Variants in EYA1 observed in about 807,000 individuals in gnomAD.
EYA1 encodes the protein EYA transcriptional coactivator and phosphatase 1.
EYA1 carries 16 observed loss-of-function variants against 82.0 expected under a neutral mutation model. That is an observed-to-expected ratio of 0.20 (90% CI 0.13 to 0.30). EYA1 has a LOEUF of 0.30. Ranked by LOEUF, EYA1 falls within the 10% of genes least tolerant of loss-of-function variation. The pLI, the probability that EYA1 is intolerant of heterozygous loss-of-function variation, is 1.00. For synonymous variants in EYA1, 261 were observed against 264.4 expected (o/e 0.99, Z 0.12); for missense variants, 633 against 730.7 (o/e 0.87, Z 1.54).
At chr8:71,426,607 T>C (rs756150665) in intron 2 of EYA1, among the ~76,000 whole-genome samples, 42 of 152,264 alleles carry the variant, frequency 2.8e-4, no homozygotes, top group Admixed American at 5.2e-4. Context: ...GCTGATGTCT[T>C]CATGGGGTTT....
chr8:71,472,811 A>ATATATATATATATATATATATC (rs988307541), intron 2 of EYA1, among the ~76,000 whole-genome samples: 2 of 147,852 alleles, frequency 1.4e-5, no homozygotes, highest in East Asian at 4.0e-4. Context: ...ATATATATAT[A>ATATATATATATATATATATATC]TATCTGTCAG....
At chr8:71,219,156 C>A (rs1482040374) in intron 12 of EYA1, among the ~76,000 whole-genome samples, 1 of 152,184 alleles carries the variant, frequency 6.6e-6, no homozygotes, top group Admixed American at 6.5e-5. Flanking sequence ...TATTTGTTTT[C>A]TCCTGCCAGC....
chr8:71,375,789 C>G (rs1488645594), intron 2 of EYA1, among the ~76,000 whole-genome samples: 1 of 152,030 alleles, frequency 6.6e-6, no homozygotes, highest in African/African-American at 2.4e-5. Flanking sequence ...CCACCATGCC[C>G]AGATAATTTT....
intron 12 of EYA1, among the ~76,000 whole-genome samples, chr8:71,235,245 T>G (rs1811686713): frequency 6.6e-6 from 1 of 151,988 alleles, no homozygotes; most frequent in African/African-American, 2.4e-5. Context: ...ATGTCCATGC[T>G]TAAAACTCTC....
chr8:71,516,403 G>C (rs772731506), intron 2 of EYA1, among the ~76,000 whole-genome samples: 2 of 152,114 alleles, frequency 1.3e-5, no homozygotes, highest in Non-Finnish European at 2.9e-5. Flanking sequence ...CAACTAGTTG[G>C]AGTTACCAGG....
intron 2 of EYA1, among the ~76,000 whole-genome samples, chr8:71,427,682 A>G (rs959213113): frequency 2.0e-5 from 3 of 152,192 alleles, no homozygotes; most frequent in Admixed American, 2.0e-4. Flanking sequence ...TATATGCTGA[A>G]AAACAAAAAA....
Position 71,477,963 on chromosome 8 carries a change from CAAAG to C in EYA1, c.33+57777_33+57780del, listed in dbSNP as rs144235414. Among the ~76,000 whole-genome samples, 634 of 152,050 alleles carry C rather than the reference CAAAG, an allele frequency of 4.2e-3. 6 individuals are homozygous for C. Among genetic ancestry groups the C allele is most frequent in the African/African-American group, 0.015 (612 of 41,474 alleles). On this transcript the variant is annotated intron_variant, in intron 2 of 18. Transcript: ENST00000643681. Reference sequence around the variant, plus strand: ...GAACCTTGAAGACATTGGGTTAAGTCAAAGAAGCCAGACACAAAGGCCATAGATA... The same window carrying C: ...GAACCTTGAAGACATTGGGTTAAGTCAAGCCAGACACAAAGGCCATAGATA...
At chr8:71,314,569 C>T (rs1343833721) in intron 7 of EYA1, among the ~76,000 whole-genome samples, 1 of 152,030 alleles carries the variant, frequency 6.6e-6, no homozygotes, top group Admixed American at 6.6e-5. Context: ...GTTGAGCATT[C>T]CTAACCCAAA....
At chr8:71,472,232 T>G (rs1188405529) in intron 2 of EYA1, among the ~76,000 whole-genome samples, 1 of 152,200 alleles carries the variant, frequency 6.6e-6, no homozygotes, top group African/African-American at 2.4e-5. Context: ...CTTTAAACAC[T>G]GCCTACTTCT....
chr8:71,418,694 C>A (rs573150023), intron 2 of EYA1, among the ~76,000 whole-genome samples: 1 of 152,198 alleles, frequency 6.6e-6, no homozygotes, highest in Admixed American at 6.5e-5. Context: ...ATATTATATG[C>A]TAGGCATTGT....
intron 2 of EYA1, among the ~76,000 whole-genome samples, chr8:71,520,251 A>T (rs912349822): frequency 6.6e-6 from 1 of 150,522 alleles, no homozygotes; most frequent in South Asian, 2.2e-4. Context: ...ATGCAGTTGA[A>T]TTATGCTTTA....
At chr8:71,211,278 T>C (rs758300472) in intron 16 of EYA1, 22 bp from the exon 17 acceptor site, 6 of 1,510,804 alleles carry the variant, frequency 4.0e-6, no homozygotes, top group Non-Finnish European at 5.5e-6. Context: ...AAATAAATGA[T>C]AGAAAATGTG....
At chr8:71,356,156 TCCCCAAATA>T (rs1416704911) in intron 2 of EYA1, among the ~76,000 whole-genome samples, 3 of 152,172 alleles carry the variant, frequency 2.0e-5, no homozygotes, top group African/African-American at 7.2e-5. Flanking sequence ...AGCTTTGACT[TCCCCAAATA>T]TTCTGAATTC....
intron 2 of EYA1, among the ~76,000 whole-genome samples, chr8:71,450,897 T>G (rs190391005): frequency 6.6e-6 from 1 of 152,322 alleles, no homozygotes; most frequent in Admixed American, 6.5e-5. Context: ...GCTTTTAACT[T>G]CCGTAAAATG....
intron 8 of EYA1, 61 bp from the exon 9 acceptor site, chr8:71,299,294 T>C: frequency 6.6e-7 from 1 of 1,524,882 alleles, no homozygotes; most frequent in Non-Finnish European, 9.1e-7. Context: ...CTCTTACATA[T>C]CAAAGTGTAA....
intron 12 of EYA1, 117 bp from the exon 13 acceptor site, chr8:71,217,140 T>A: frequency 1.3e-6 from 1 of 768,802 alleles, no homozygotes. Flanking sequence ...ATTTTTCAAC[T>A]ATGTCAATCA....
In EYA1 at chr8:71,510,916, A is replaced by AT. The variant is rs573000262; in HGVS notation, c.33+24827dup. On this transcript the variant is annotated intron_variant, in intron 2 of 18. Transcript: ENST00000643681. The stretch of plus-strand genomic sequence containing the variant: ...AGATCTTTCTTTCTTTGAAATATTT[A>AT]TTTTTTTGTTTCTTTTTAATTGTGC... 7.2e-5 allele frequency among the ~76,000 whole-genome samples: 11 copies of AT among 152,204 alleles called. No homozygotes were observed. In the South Asian group the frequency reaches 1.0e-3, roughly 14 times the overall value.
At chr8:71,404,042 G>C (rs554287084) in intron 2 of EYA1, 5 of 152,318 alleles carry the variant, frequency 3.3e-5, no homozygotes, top group Middle Eastern at 3.4e-3. Context: ...TGGTCAGTTT[G>C]ACTACAGCAC....
intron 1 of EYA1, among the ~76,000 whole-genome samples, chr8:71,546,461 A>G (rs1815583416): frequency 6.6e-6 from 1 of 151,364 alleles, no homozygotes. Flanking sequence ...TGCACTTTGC[A>G]CTCATAGCCA....
Sources: allele counts gnomAD v4.1 joint callset (sites outside exome capture counted in the v4.1 genomes callset), GRCh38; gene constraint gnomAD v4.1.1; transcripts MANE v1.5; gene names NCBI Gene and HGNC (gene_info 2026-07-23, HGNC 2026-07-21).